The following MDFIC2 variants were observed in gnomAD, a reference collection of about 807,000 sequenced individuals.
MDFIC2 encodes the protein MyoD family inhibitor domain containing 2, also known as myoD family inhibitor domain-containing protein 2.
chr3:70,306,804 G>A (rs917416402), intron 2 of MDFIC2, among the ~76,000 whole-genome samples: 1 of 152,062 alleles, frequency 6.6e-6, no homozygotes, highest in African/African-American at 2.4e-5. Context: ...CTAGTTTTCT[G>A]AAGGACAAAA....
intron 2 of MDFIC2, among the ~76,000 whole-genome samples, chr3:70,209,939 C>T (rs1177686146): frequency 6.6e-6 from 1 of 152,088 alleles, no homozygotes; most frequent in African/African-American, 2.4e-5. Context: ...TAGAGAGTAG[C>T]TCAGAAAGAG....
intron 2 of MDFIC2, among the ~76,000 whole-genome samples, chr3:70,281,871 C>T (rs1160317313): frequency 1.3e-5 from 2 of 152,170 alleles, no homozygotes; most frequent in African/African-American, 4.8e-5. Flanking sequence ...TCTAGTTCAT[C>T]ATACCTTGGG....
chr3:70,255,100 T>C (rs1040679941), intron 2 of MDFIC2, among the ~76,000 whole-genome samples: 3 of 152,194 alleles, frequency 2.0e-5, no homozygotes, highest in Non-Finnish European at 2.9e-5. Flanking sequence ...AATTGAAAGT[T>C]CAACTAATGA....
At chr3:70,205,522 C>T (rs1405861819) in intron 3 of MDFIC2, 2 of 152,036 alleles carry the variant, frequency 1.3e-5, no homozygotes, top group East Asian at 1.9e-4. Context: ...CTTCTGTGTA[C>T]CAACTTTTGT....
At chr3:70,281,740 G>A (rs536190150) in intron 2 of MDFIC2, among the ~76,000 whole-genome samples, 9 of 152,174 alleles carry the variant, frequency 5.9e-5, no homozygotes, top group South Asian at 2.1e-4. Flanking sequence ...TTGGAATTCC[G>A]ATAGAGAATC....
chr3:70,310,660 C>A (rs1241651286), intron 2 of MDFIC2, among the ~76,000 whole-genome samples: 1 of 152,026 alleles, frequency 6.6e-6, no homozygotes, highest in Non-Finnish European at 1.5e-5. Context: ...GCCACTGCAC[C>A]CGGCCATAGG....
chr3:70,266,015 C>G (rs1206956850), intron 2 of MDFIC2, among the ~76,000 whole-genome samples: 1 of 152,118 alleles, frequency 6.6e-6, no homozygotes, highest in Non-Finnish European at 1.5e-5. Context: ...GACACAAAGC[C>G]TAATCATATC....
chr3:70,295,342 T>G (rs1490751950), intron 2 of MDFIC2, among the ~76,000 whole-genome samples: 1 of 152,146 alleles, frequency 6.6e-6, no homozygotes, highest in Non-Finnish European at 1.5e-5. Context: ...GAGTCCAGAT[T>G]TCAAATATAG....
intron 2 of MDFIC2, among the ~76,000 whole-genome samples, chr3:70,271,045 A>T (rs1701971844): frequency 6.6e-6 from 1 of 152,186 alleles, no homozygotes; most frequent in East Asian, 1.9e-4. Flanking sequence ...ATAAAAAAGA[A>T]ATATTGAAAA....
At chr3:70,293,426 C>T (rs765324532) in intron 2 of MDFIC2, among the ~76,000 whole-genome samples, 3 of 152,086 alleles carry the variant, frequency 2.0e-5, no homozygotes, top group Non-Finnish European at 4.4e-5. Flanking sequence ...TCAGCAACAA[C>T]AGAAATTAAA....
intron 2 of MDFIC2, among the ~76,000 whole-genome samples, chr3:70,241,274 A>G (rs992363779): frequency 3.3e-5 from 5 of 152,180 alleles, no homozygotes; most frequent in African/African-American, 9.7e-5. Flanking sequence ...AGGCAAACAT[A>G]AAATCAAAAG....
intron 2 of MDFIC2, among the ~76,000 whole-genome samples, chr3:70,252,811 G>A (rs2106653360): frequency 6.6e-6 from 1 of 152,256 alleles, no homozygotes; most frequent in African/African-American, 2.4e-5. Context: ...CAGGCGCGGT[G>A]GCTCATGCCT....
At chr3:70,283,980 A>G (rs1335823244) in intron 2 of MDFIC2, 3 of 151,790 alleles carry the variant, frequency 2.0e-5, no homozygotes, top group Non-Finnish European at 2.9e-5. Flanking sequence ...TTTTCCCACC[A>G]CCCTACTGTC....
chr3:70,251,520 A>G lies in MDFIC2; in HGVS notation c.89-44730T>C, dbSNP rs564897798. Among the ~76,000 whole-genome samples the G allele has an allele frequency of 2.6e-5, 4 of 152,358 alleles. No homozygotes were observed. The South Asian group carries it at 8.3e-4, about 32-fold the overall frequency. On this transcript the variant is annotated intron_variant, in intron 2 of 3. Transcript: ENST00000567252. ...CCCTTAAATAGTATTTTATAGGCATAGCCTTGCTCTGGCCTCATGATGGTG... is the reference window on the plus strand; with the variant it reads ...CCCTTAAATAGTATTTTATAGGCATGGCCTTGCTCTGGCCTCATGATGGTG...
chr3:70,207,525 G>A (rs550416503), intron 2 of MDFIC2, among the ~76,000 whole-genome samples: 97 of 152,100 alleles, frequency 6.4e-4, no homozygotes, highest in East Asian at 1.2e-3. Context: ...AGCCCCAAGC[G>A]TTGTATGTAT....
intron 2 of MDFIC2, among the ~76,000 whole-genome samples, chr3:70,284,005 T>C (rs1005010024): frequency 6.6e-5 from 10 of 152,248 alleles, no homozygotes; most frequent in East Asian, 5.8e-4. Flanking sequence ...AGAAGGGGTT[T>C]CCATGCCTTT....
intron 2 of MDFIC2, among the ~76,000 whole-genome samples, chr3:70,260,245 A>G (rs1701852888): frequency 1.3e-5 from 2 of 152,076 alleles, no homozygotes; most frequent in Non-Finnish European, 2.9e-5. Context: ...GCCTAACTCC[A>G]ATCTCTGCCT....
intron 2 of MDFIC2, among the ~76,000 whole-genome samples, chr3:70,259,620 A>G (rs1039831476): frequency 1.3e-5 from 2 of 152,096 alleles, no homozygotes; most frequent in Admixed American, 1.3e-4. Context: ...TCTTTTAACC[A>G]TCTCTACACC....
intron 2 of MDFIC2, among the ~76,000 whole-genome samples, chr3:70,302,160 A>T (rs910613957): frequency 6.6e-6 from 1 of 152,122 alleles, no homozygotes; most frequent in East Asian, 1.9e-4. Flanking sequence ...CTGCACATTT[A>T]CTTCTCGACA....
Sources: gnomAD v4.1 joint callset for allele counts (sites outside exome capture counted in the v4.1 genomes callset) on GRCh38, gnomAD v4.1.1 for gene constraint, MANE v1.5 for transcripts, NCBI Gene and HGNC (gene_info 2026-07-23, HGNC 2026-07-21) for gene names.